Variants in NRXN3 observed in about 807,000 individuals in gnomAD.
NRXN3 encodes neurexin III.
In NRXN3, 32 loss-of-function variants were observed where a neutral mutation model predicts 137.6. That is an observed-to-expected ratio of 0.23 (90% confidence interval 0.18 to 0.31). NRXN3 has a LOEUF of 0.31. NRXN3 is among the 10% of genes least tolerant of loss of function. The pLI is 1.00. For missense variants in NRXN3, 1,574 were observed against 2,062.5 expected, an observed-to-expected ratio of 0.76 and a Z score of 4.59; for synonymous variants, 798 against 784.5, an observed-to-expected ratio of 1.02 and a Z score of -0.29.
rs1596364291 is a variant in NRXN3 at position 78,838,180 on chromosome 14, G to A, written c.2275+27836G>A. 2.0e-5 allele frequency among the ~76,000 whole-genome samples: 3 copies of A among 152,128 alleles called. No individual in the cohort carries two copies. The East Asian group carries it at 5.8e-4, about 29-fold the overall frequency. On this transcript the variant is annotated intron_variant, in intron 10 of 20. Transcript: ENST00000335750. Reference sequence around the variant, plus strand: ...TCTTTAATGCTCTTTACTTTCCCTAGCAAATGTTCTTCCATTTAAAAAGTC... The same window carrying A: ...TCTTTAATGCTCTTTACTTTCCCTAACAAATGTTCTTCCATTTAAAAAGTC...
intron 8 of NRXN3, among the ~76,000 whole-genome samples, chr14:78,751,430 T>C (rs961417856): frequency 6.6e-6 from 1 of 151,904 alleles, no homozygotes; most frequent in East Asian, 1.9e-4. Flanking sequence ...TGCTAATTCT[T>C]TTTTTTCTCC....
chr14:78,456,799 C>CTCTTTTTCTTTCTT (rs1555539842), intron 4 of NRXN3, among the ~76,000 whole-genome samples: 1 of 97,620 alleles, frequency 1.0e-5, no homozygotes, highest in African/African-American at 3.5e-5. Flanking sequence ...CTCTCTTTCT[C>CTCTTTTTCTTTCTT]TCTTTCTTTC....
intron 15 of NRXN3, among the ~76,000 whole-genome samples, chr14:79,340,754 G>A (rs896318812): frequency 2.6e-5 from 4 of 152,314 alleles, no homozygotes; most frequent in East Asian, 3.9e-4. Context: ...GTAAGCCACC[G>A]CGCCTGGCCT....
At chr14:79,543,212 A>G (rs2097290151) in intron 16 of NRXN3, among the ~76,000 whole-genome samples, 1 of 152,194 alleles carries the variant, frequency 6.6e-6, no homozygotes, top group African/African-American at 2.4e-5. Flanking sequence ...AACTCAGGTC[A>G]GGAAGAAATC....
intron 4 of NRXN3, among the ~76,000 whole-genome samples, chr14:78,361,540 A>G (rs1032216744): frequency 7.9e-5 from 12 of 152,304 alleles, no homozygotes; most frequent in African/African-American, 2.4e-4. Flanking sequence ...CTCTTGTGCT[A>G]TATTGATTTT....
chr14:79,376,259 TATATATAC>T (rs1356249488), intron 15 of NRXN3, among the ~76,000 whole-genome samples: 86 of 48,486 alleles, frequency 1.8e-3, no homozygotes, highest in Admixed American at 5.8e-3. Context: ...TATATATATA[TATATATAC>T]ACATACATAT....
At chr14:79,359,456 C>T (rs1453109412) in intron 15 of NRXN3, among the ~76,000 whole-genome samples, 1 of 152,062 alleles carries the variant, frequency 6.6e-6, no homozygotes, top group East Asian at 1.9e-4. Context: ...AGTGTATGGG[C>T]TGGCTTCCTG....
chr14:78,831,163 A>G (rs1262224155), intron 10 of NRXN3, among the ~76,000 whole-genome samples: 3 of 152,078 alleles, frequency 2.0e-5, no homozygotes, highest in African/African-American at 4.8e-5. Flanking sequence ...CACGTAACTT[A>G]CTCTTGTAGC....
chr14:79,132,850 A>G lies in NRXN3; in HGVS notation c.3262+144709A>G, dbSNP rs979289335. Among the ~76,000 whole-genome samples, 14 of 152,346 alleles carry G rather than the reference A, an allele frequency of 9.2e-5. No individual in the cohort carries two copies. The East Asian group carries it at 2.1e-3, about 23-fold the overall frequency. On this transcript the variant is annotated intron_variant, in intron 15 of 20. Transcript: ENST00000335750. ...GTTGAGCTGCGATGCAGGCCCAACA[A>G]TGGGCTCAGCTAACCCCACGAGGAG...
intron 15 of NRXN3, among the ~76,000 whole-genome samples, chr14:79,155,340 A>T (rs1454357570): frequency 6.6e-6 from 1 of 151,870 alleles, no homozygotes; most frequent in Non-Finnish European, 1.5e-5. Flanking sequence ...TTATATAAGA[A>T]CCTATGTAAT....
chr14:79,156,829 T>C (rs2060293956), intron 15 of NRXN3, among the ~76,000 whole-genome samples: 10 of 151,822 alleles, frequency 6.6e-5, no homozygotes, highest in Admixed American at 6.6e-4. Context: ...CTTCTTTTTA[T>C]GGCAGAATTT....
chr14:79,065,924 G>A (rs556126462), intron 15 of NRXN3, among the ~76,000 whole-genome samples: 2 of 152,076 alleles, frequency 1.3e-5, no homozygotes, highest in East Asian at 3.9e-4. Context: ...TATTAAGCCT[G>A]GCATCCATTA....
At chr14:78,783,298 A>G (rs560623919) in intron 8 of NRXN3, among the ~76,000 whole-genome samples, 2 of 152,280 alleles carry the variant, frequency 1.3e-5, no homozygotes, top group South Asian at 2.1e-4. Context: ...CTTCTCTCCA[A>G]TCCTGAAAAA....
intron 16 of NRXN3, among the ~76,000 whole-genome samples, chr14:79,556,756 A>G (rs933900849): frequency 2.6e-5 from 4 of 152,106 alleles, no homozygotes; most frequent in Non-Finnish European, 5.9e-5. Context: ...AGGTCTCACT[A>G]TGTTGCCCAG....
At chr14:79,403,914 C>A (rs1281515342) in intron 15 of NRXN3, among the ~76,000 whole-genome samples, 1 of 152,112 alleles carries the variant, frequency 6.6e-6, no homozygotes, top group African/African-American at 2.4e-5. Context: ...GCTGTCACCT[C>A]CTCGATTTTA....
chr14:78,343,131 A>G (rs214011), intron 4 of NRXN3, among the ~76,000 whole-genome samples: 120,559 of 152,030 alleles, frequency 0.79, 49,505 homozygotes, highest in Non-Finnish European at 0.9. Flanking sequence ...TGCATGGTAA[A>G]GCTTGAGAAC....
chr14:78,880,387 A>G (rs982885909), intron 10 of NRXN3, among the ~76,000 whole-genome samples: 1 of 152,102 alleles, frequency 6.6e-6, no homozygotes, highest in African/African-American at 2.4e-5. Flanking sequence ...GGGAGTGAAT[A>G]TTTATTGGAA....
chr14:78,927,369 G>A (rs1882553198), intron 10 of NRXN3, among the ~76,000 whole-genome samples: 1 of 151,878 alleles, frequency 6.6e-6, no homozygotes, highest in Admixed American at 6.6e-5. Context: ...ACAAGCGTAA[G>A]GAGGAGGGTT....
At chr14:79,805,320 CTATATA>C (rs1174181838) in intron 20 of NRXN3, 130 bp downstream of exon 20, 2 of 452,004 alleles carry the variant, frequency 4.4e-6, no homozygotes, top group Middle Eastern at 5.8e-4. Flanking sequence ...ATTTTTATAT[CTATATA>C]TGTATAAGTA....
Sources: allele counts gnomAD v4.1 joint callset (sites outside exome capture counted in the v4.1 genomes callset), GRCh38; gene constraint gnomAD v4.1.1; transcripts MANE v1.5; gene names NCBI Gene and HGNC (gene_info 2026-07-23, HGNC 2026-07-21).